ESR1: variants seen among roughly 807,000 people sequenced by gnomAD.
The protein encoded by ESR1 is estrogen receptor 1.
Under a neutral mutation model 52.7 loss-of-function variants are expected in ESR1, and 12 were observed. The observed-to-expected ratio is 0.23, with a 90% CI of 0.15 to 0.37. ESR1 has a LOEUF of 0.37. ESR1 is among the 10% of genes least tolerant of loss of function. The pLI, the probability that ESR1 is intolerant of heterozygous loss-of-function variation, is 1.00. For missense variants in ESR1, 584 were observed against 779.7 expected, an observed-to-expected ratio of 0.75 and a Z score of 2.99; for synonymous variants, 305 against 316.8, an observed-to-expected ratio of 0.96 and a Z score of 0.39.
intron 4 of ESR1, 76 bp from the exon 5 acceptor site, chr6:152,011,580 A>T (rs1356255965): frequency 4.0e-5 from 62 of 1,556,572 alleles, no homozygotes; most frequent in Non-Finnish European, 5.2e-5. Flanking sequence ...GTCAGTTCAA[A>T]TCCCTGTTGC....
chr6:152,098,149 G>A lies in ESR1; in HGVS notation c.1554-583G>A, dbSNP rs2050775961. ...ACAAAAATCAGTGTGGCTCCGGAGA[G>A]CACATTAGGGGAGAGAGGCAGGAAG... On this transcript the variant is annotated intron_variant, in intron 7 of 7. Coordinates refer to ENST00000206249, the MANE Select transcript of ESR1 (RefSeq NM_000125.4). This position sits in a 1 kb window ranked among gnomAD's most constrained non-coding sequence, Gnocchi z 5.1. 6.6e-6 allele frequency among the ~76,000 whole-genome samples: 1 copy of A among 152,152 alleles called. No individual in the cohort carries two copies. The highest frequency in any genetic ancestry group is 2.1e-4 in the South Asian group (1 of 4,828).
chr6:151,915,098 G>A (rs772004682), intron 3 of ESR1, among the ~76,000 whole-genome samples: 10 of 151,924 alleles, frequency 6.6e-5, no homozygotes, highest in Admixed American at 4.6e-4. Context: ...AGGAGGCTGA[G>A]GCAGGAAAAT....
intron 2 of ESR1, among the ~76,000 whole-genome samples, chr6:151,737,664 C>T (rs956059258): frequency 2.0e-5 from 3 of 152,086 alleles, no homozygotes; most frequent in African/African-American, 4.8e-5. Context: ...TCTCAGGAGG[C>T]GACCACTGTT....
In ESR1 at chr6:151,913,941, A is replaced by G. The variant is rs1798659864; in HGVS notation, c.761-30232A>G. Reference sequence around the variant, plus strand: ...TAAAAAATTATTCTTGTTTTCATTCAGTCCATTTCATCAGAACTTAGATTT... The same window carrying G: ...TAAAAAATTATTCTTGTTTTCATTCGGTCCATTTCATCAGAACTTAGATTT... On this transcript the variant is annotated intron_variant, in intron 3 of 7. Transcript: ENST00000206249. 2.0e-5 allele frequency among the ~76,000 whole-genome samples: 3 copies of G among 152,112 alleles called. No homozygotes were observed. The South Asian group carries it at 6.2e-4, about 32-fold the overall frequency.
chr6:151,713,903 G>T (rs1780820799), intron 2 of ESR1, among the ~76,000 whole-genome samples: 1 of 151,868 alleles, frequency 6.6e-6, no homozygotes, highest in African/African-American at 2.4e-5. Context: ...GTTTGCTCTT[G>T]CTTCTCTAGT....
chr6:151,695,153 T>A (rs1414631370), intron 1 of ESR1, among the ~76,000 whole-genome samples: 1 of 152,220 alleles, frequency 6.6e-6, no homozygotes, highest in African/African-American at 2.4e-5. Context: ...GCCTTTCTGT[T>A]GTAAAAACCA....
chr6:151,820,957 G>A lies in ESR1; in HGVS notation c.452+12593G>A, dbSNP rs542624134. Among the ~76,000 whole-genome samples the A allele has an allele frequency of 2.8e-4, 42 of 152,214 alleles. 4 individuals carry two copies. The highest frequency in any genetic ancestry group is 1.2e-3 in the Admixed American group (18 of 15,286). ...AATTGTAGTGTAATTTGGTGCAATC[G>A]TCTCTTTGCACAAATAACATCATAA... On this transcript the variant is annotated intron_variant, in intron 1 of 7. Transcript: ENST00000206249.
intron 4 of ESR1, among the ~76,000 whole-genome samples, chr6:151,990,542 C>T (rs1331903715): frequency 6.6e-6 from 1 of 151,604 alleles, no homozygotes; most frequent in African/African-American, 2.4e-5. Context: ...GCCCTCTTGA[C>T]TGCCTTGACC....
chr6:151,892,930 T>A (rs1280534392), intron 3 of ESR1, among the ~76,000 whole-genome samples: 2 of 152,234 alleles, frequency 1.3e-5, no homozygotes, highest in African/African-American at 4.8e-5. Context: ...GGCTCACGCC[T>A]GTAATCCCAG....
chr6:151,808,259 A>T lies in ESR1; in HGVS notation c.347A>T (p.Gln116Leu). ...SPLMLLHPPP[Q>L]LSPFLQPHGQ... ...CTGATGCTACTGCACCCGCCGCCGC[A>T]GCTGTCGCCTTTCCTGCAGCCCCAC... Residue 116 changes from glutamine to leucine, a missense_variant, in exon 1 of 8, where the codon CAG (glutamine) becomes CTG (leucine). Around this residue, in one of 6 missense-constraint regions of ESR1, gnomAD observed 251 missense variants for 246.1 expected, o/e 1.02. Transcript: ENST00000206249. 6.3e-7 allele frequency: 1 copy of T among 1,582,968 alleles called. No homozygotes were observed. Among genetic ancestry groups the T allele is most frequent in the Non-Finnish European group, 8.6e-7 (1 of 1,165,226 alleles).
intron 5 of ESR1, among the ~76,000 whole-genome samples, chr6:152,041,992 A>T (rs1330533237): frequency 6.6e-6 from 1 of 152,228 alleles, no homozygotes; most frequent in East Asian, 1.9e-4. Context: ...CTGTCATTTT[A>T]CAAGATCCAT....
Position 152,100,052 on chromosome 6 carries a change from A to G in ESR1, c.*1086A>G, listed in dbSNP as rs2152508694. On this transcript the variant is annotated 3_prime_UTR_variant, in exon 8 of 8. Coordinates refer to ENST00000206249, the MANE Select transcript of ESR1 (RefSeq NM_000125.4). ...AGAGGGAAAGTAGGGCAGAAACTGG[A>G]TACAGTTCTGAGGCACAGCCAGACT... 1 of 398,900 alleles carries G rather than the reference A, an allele frequency of 2.5e-6. No homozygotes were observed. Among genetic ancestry groups the G allele is most frequent in the East Asian group, 3.6e-5 (1 of 28,076 alleles). 24.7% of individuals were successfully genotyped at this position (398,900 alleles called of 1,614,324 possible).
chr6:152,086,501 C>T (rs550682297), intron 6 of ESR1, among the ~76,000 whole-genome samples: 10 of 150,702 alleles, frequency 6.6e-5, no homozygotes, highest in Admixed American at 1.3e-4. Flanking sequence ...AAAGGTGAGA[C>T]ATTAAATTCT....
chr6:151,874,682 T>C (rs1044417968), intron 2 of ESR1, among the ~76,000 whole-genome samples: 5 of 152,230 alleles, frequency 3.3e-5, no homozygotes, highest in Admixed American at 6.5e-5. Flanking sequence ...ACAGTTTATG[T>C]AGTTTATATG....
intron 3 of ESR1, among the ~76,000 whole-genome samples, chr6:151,889,409 CTT>C (rs1410790644): frequency 1.3e-5 from 2 of 152,080 alleles, no homozygotes; most frequent in Non-Finnish European, 2.9e-5. Context: ...GTGTCTAAGA[CTT>C]TATCCATTTA....
intron 2 of ESR1, among the ~76,000 whole-genome samples, chr6:151,856,819 A>T (rs2128275736): frequency 6.6e-6 from 1 of 152,244 alleles, no homozygotes; most frequent in East Asian, 1.9e-4. Context: ...TGCTAGCATA[A>T]CTTTGGGGAT....
intron 1 of ESR1, among the ~76,000 whole-genome samples, chr6:151,820,710 T>C (rs1425510109): frequency 6.6e-6 from 1 of 152,260 alleles, no homozygotes; most frequent in African/African-American, 2.4e-5. Context: ...AATGCTTTCA[T>C]CTTAGACTGT....
intron 3 of ESR1, among the ~76,000 whole-genome samples, chr6:151,913,624 A>T (rs996885679): frequency 1.3e-5 from 2 of 152,204 alleles, no homozygotes; most frequent in Non-Finnish European, 2.9e-5. Flanking sequence ...AATTTATTCT[A>T]TAGGACTTGG....
chr6:151,663,816 A>C (rs941339675), intron 1 of ESR1, among the ~76,000 whole-genome samples: 1 of 152,200 alleles, frequency 6.6e-6, no homozygotes, highest in Admixed American at 6.5e-5. Context: ...AAAACAAAGC[A>C]CCTGTTGTTC....
Sources: allele counts gnomAD v4.1 joint callset (sites outside exome capture counted in the v4.1 genomes callset), GRCh38; gene constraint gnomAD v4.1.1; regional missense constraint gnomAD v4.1.1; non-coding constraint Gnocchi (gnomAD v3.1); transcripts MANE v1.5; gene names NCBI Gene and HGNC (gene_info 2026-07-23, HGNC 2026-07-21).